MTA3: variants seen among roughly 807,000 people sequenced by gnomAD.
MTA3 encodes the protein metastasis associated 1 family member 3.
Under a neutral mutation model 83.5 loss-of-function variants are expected in MTA3, and 34 were observed. The observed-to-expected ratio is 0.41, with a 90% CI of 0.31 to 0.54. The LOEUF (loss-of-function observed/expected upper bound fraction) is 0.54. Ranked by LOEUF, MTA3 falls within the 20% of genes least tolerant of loss-of-function variation. The pLI is 0.33. For missense variants in MTA3, 761 were observed against 726.4 expected (o/e 1.05, Z -0.55); for synonymous variants, 303 against 252.7 (o/e 1.20, Z -1.89).
chr2:42,751,018 A>C (rs1669837635), intron 16 of MTA3, among the ~76,000 whole-genome samples: 1 of 152,146 alleles, frequency 6.6e-6, no homozygotes, highest in South Asian at 2.1e-4. Flanking sequence ...TGAACCTTCA[A>C]GTCTGTCTGT....
At chr2:42,688,057 C>A (rs1048754421) in intron 9 of MTA3, among the ~76,000 whole-genome samples, 1 of 152,200 alleles carries the variant, frequency 6.6e-6, no homozygotes, top group Admixed American at 6.5e-5. Flanking sequence ...CAAATTGATA[C>A]AGCCACTTGG....
chr2:42,602,681 G>C (rs999957831), intron 3 of MTA3, among the ~76,000 whole-genome samples: 7 of 152,168 alleles, frequency 4.6e-5, no homozygotes, highest in East Asian at 1.9e-4. Flanking sequence ...CTCTAAATGA[G>C]GGATTTTGAG....
intron 3 of MTA3, among the ~76,000 whole-genome samples, chr2:42,605,675 C>CT (rs1683218737): frequency 1.6e-5 from 2 of 126,472 alleles, no homozygotes; most frequent in Non-Finnish European, 3.4e-5. Flanking sequence ...CTGACCCCCC[C>CT]ACCTCCCTCC....
At chr2:42,705,704 T>C (rs1453407297) in intron 12 of MTA3, among the ~76,000 whole-genome samples, 1 of 151,264 alleles carries the variant, frequency 6.6e-6, no homozygotes, top group Non-Finnish European at 1.5e-5. Flanking sequence ...AAACATCGTC[T>C]CCCCCCCGCC....
At chr2:42,690,643 G>A (rs1205897127) in intron 9 of MTA3, among the ~76,000 whole-genome samples, 5 of 145,798 alleles carry the variant, frequency 3.4e-5, no homozygotes, top group Admixed American at 3.4e-4. Flanking sequence ...CATAGTAGGT[G>A]TATATAATTA....
intron 4 of MTA3, among the ~76,000 whole-genome samples, chr2:42,615,755 C>G (rs1468190146): frequency 8.8e-6 from 1 of 113,972 alleles, no homozygotes; most frequent in Non-Finnish European, 1.7e-5. Flanking sequence ...GAGTCTCGCT[C>G]TGTCGCCCAG....
At chr2:42,626,364 C>T (rs1042539052) in intron 4 of MTA3, among the ~76,000 whole-genome samples, 2 of 151,612 alleles carry the variant, frequency 1.3e-5, no homozygotes, top group Non-Finnish European at 2.9e-5. Flanking sequence ...GTGGTGTAAT[C>T]TCGGCTCACT....
chr2:42,682,687 AG>A (rs1200159995), intron 9 of MTA3, 98 bp downstream of exon 9: 1 of 1,109,960 alleles, frequency 9.0e-7, no homozygotes, highest in Non-Finnish European at 1.3e-6. Flanking sequence ...CAAGTTTGTG[AG>A]TTAATAGTTT....
intron 8 of MTA3, among the ~76,000 whole-genome samples, chr2:42,661,770 C>T (rs1469348246): frequency 1.3e-5 from 2 of 151,970 alleles, no homozygotes; most frequent in Admixed American, 6.6e-5. Context: ...TAGCAAATTA[C>T]AGAATAGTAT....
chr2:42,678,346 T>C (rs1480648493), intron 8 of MTA3, among the ~76,000 whole-genome samples: 2 of 152,174 alleles, frequency 1.3e-5, no homozygotes, highest in Non-Finnish European at 1.5e-5. Flanking sequence ...TTTTTATTTA[T>C]TTATTTTTTT....
Position 42,541,926 on chromosome 2 carries a change from G to T in MTA3, c.-140-28511G>T, listed in dbSNP as rs896432295. On this transcript the variant is annotated intron_variant, in intron 2 of 17. Transcript: ENST00000405592. ...GCTGTGAACAATGGAAGCCTGCTCA[G>T]GCCAGGAATACTGAACCCATGGGCC... Among the ~76,000 whole-genome samples, 14 of 152,240 alleles carry T rather than the reference G, an allele frequency of 9.2e-5. No homozygotes were observed. In the East Asian group the frequency reaches 1.7e-3, roughly 19 times the overall value.
chr2:42,708,128 C>G (rs377064685), intron 13 of MTA3, 74 bp downstream of exon 13: 1 of 1,457,594 alleles, frequency 6.9e-7, no homozygotes, highest in African/African-American at 1.4e-5. Context: ...AACAGAAGTA[C>G]AGTATAGGAT....
chr2:42,667,396 A>T lies in MTA3; in HGVS notation c.702+7534A>T, dbSNP rs547130076. 6.0e-5 allele frequency among the ~76,000 whole-genome samples: 9 copies of T among 151,124 alleles called. No individual in the cohort carries two copies. In the South Asian group the frequency reaches 1.9e-3, roughly 32 times the overall value. Reference sequence around the variant, plus strand: ...CAAACAGAAACCTCATCCCCATTAAACTCTAACTCTCCATCCCCTCTGCCC... The same window carrying T: ...CAAACAGAAACCTCATCCCCATTAATCTCTAACTCTCCATCCCCTCTGCCC... On this transcript the variant is annotated intron_variant, in intron 8 of 16. Transcript: ENST00000405094.
chr2:42,518,479 G>A (rs1675257903), intron 2 of MTA3, among the ~76,000 whole-genome samples: 1 of 152,164 alleles, frequency 6.6e-6, no homozygotes, highest in Middle Eastern at 3.2e-3. Context: ...TAACAAAGTA[G>A]TATTGCGTTG....
chr2:42,616,214 C>G (rs773029238), intron 4 of MTA3, among the ~76,000 whole-genome samples: 3 of 152,160 alleles, frequency 2.0e-5, no homozygotes, highest in Non-Finnish European at 4.4e-5. Context: ...GCATGTGCCA[C>G]CACGCCTGGC....
At chr2:42,587,366 A>T (rs1680464452) in intron 3 of MTA3, among the ~76,000 whole-genome samples, 1 of 152,138 alleles carries the variant, frequency 6.6e-6, no homozygotes, top group African/African-American at 2.4e-5. Flanking sequence ...ACAAAAATGT[A>T]TTCAGTGTAA....
intron 2 of MTA3, among the ~76,000 whole-genome samples, chr2:42,504,753 T>C (rs1168373920): frequency 6.6e-6 from 1 of 152,010 alleles, no homozygotes; most frequent in African/African-American, 2.4e-5. Flanking sequence ...CACCTCATCT[T>C]CCCAAAGTGC....
intron 14 of MTA3, among the ~76,000 whole-genome samples, chr2:42,714,336 T>C (rs940026165): frequency 6.6e-6 from 1 of 152,150 alleles, no homozygotes; most frequent in African/African-American, 2.4e-5. Flanking sequence ...GACTTTATGG[T>C]GTATTTGCCA....
chr2:42,616,689 C>T (rs1017654359), intron 4 of MTA3, among the ~76,000 whole-genome samples: 7 of 150,170 alleles, frequency 4.7e-5, no homozygotes. Flanking sequence ...GATGATGCTC[C>T]CACCTTAGCC....
Sources: allele counts gnomAD v4.1 joint callset (sites outside exome capture counted in the v4.1 genomes callset), GRCh38; gene constraint gnomAD v4.1.1; transcripts MANE v1.5; gene names NCBI Gene and HGNC (gene_info 2026-07-23, HGNC 2026-07-21).